The following ABCC12 variants were observed in gnomAD, a reference collection of about 807,000 sequenced individuals.
The protein encoded by ABCC12 is ATP binding cassette subfamily C member 12, also known as ATP-binding cassette sub-family C member 12.
Under a neutral mutation model 151.1 loss-of-function variants are expected in ABCC12, and 142 were observed. The observed-to-expected ratio is 0.94, with a 90% CI of 0.82 to 1.08. The LOEUF (loss-of-function observed/expected upper bound fraction) is 1.08, where lower values mean the gene tolerates loss of function less well. ABCC12 is among the 50% of genes least tolerant of loss of function. The pLI, the probability that ABCC12 is intolerant of heterozygous loss-of-function variation, is 0.00. For missense variants in ABCC12, 1,638 were observed against 1,691.1 expected (o/e 0.97, Z 0.55); for synonymous variants, 645 against 646.4 (o/e 1.00, Z 0.03).
At chr16:48,127,865 C>T (rs887197784) in intron 11 of ABCC12, among the ~76,000 whole-genome samples, 12 of 151,856 alleles carry the variant, frequency 7.9e-5, no homozygotes, top group African/African-American at 2.9e-4. Context: ...GGAGTTCGAG[C>T]CTGGCCTAGG....
Position 48,091,208 on chromosome 16 carries a change from A to G in ABCC12, c.3197T>C (p.Leu1066Pro). ...KGLSLSYIIQ[L>P]SGLLQVCVRT... ...CACACACACTTGGAGCAGTCCGCTC[A>G]GCTGTTGAAAAGGAGCGAGCAGCCG... Residue 1066 changes from leucine (L) to proline (P), a missense_variant and splice_region_variant, in exon 25 of 31, where the codon CTG (leucine) becomes CCG (proline). Leu to Pro is a moderately conservative substitution (Grantham distance 98). Coordinates refer to ENST00000311303, the MANE Select transcript of ABCC12 (RefSeq NM_001393797.1). 1 of 1,614,010 alleles carries G rather than the reference A, an allele frequency of 6.2e-7. No individual in the cohort carries two copies. The highest frequency in any genetic ancestry group is 8.5e-7 in the Non-Finnish European group (1 of 1,179,912).
intron 5 of ABCC12, 60 bp from the exon 6 acceptor site, chr16:48,140,980 G>A (rs1179824801): frequency 2.0e-6 from 3 of 1,509,060 alleles, no homozygotes; most frequent in Admixed American, 3.5e-5. Context: ...TGGCATAGGA[G>A]GCCTCAGATC....
chr16:48,121,851 A>G lies in ABCC12; in HGVS notation c.1588-11T>C. 6.2e-7 allele frequency: 1 copy of G among 1,614,002 alleles called. No individual in the cohort carries two copies. Among genetic ancestry groups the G allele is most frequent in the Non-Finnish European group, 8.5e-7 (1 of 1,179,960 alleles). On this transcript the variant is annotated splice_polypyrimidine_tract_variant and intron_variant, in intron 12 of 30. Coordinates refer to ENST00000311303, the MANE Select transcript of ABCC12 (RefSeq NM_001393797.1). ...TTTCTGCAGCTGCATCTGGAACAACAAGACGGGAGAAGCTTCAGGAGCCAA... is the reference window on the plus strand; with the variant it reads ...TTTCTGCAGCTGCATCTGGAACAACGAGACGGGAGAAGCTTCAGGAGCCAA...
intron 15 of ABCC12, among the ~76,000 whole-genome samples, chr16:48,112,365 G>A (rs550274419): frequency 1.6e-3 from 243 of 152,306 alleles, no homozygotes; most frequent in Non-Finnish European, 2.7e-3. Context: ...GGAGGCTGAA[G>A]CGGGTGGATC....
At position 48,138,543 on chromosome 16, in the gene ABCC12, A is replaced by G. The variant is rs577632525; in HGVS notation, c.832-168T>C. 6.6e-5 allele frequency among the ~76,000 whole-genome samples: 10 copies of G among 152,292 alleles called. No homozygotes were observed. In the South Asian group the frequency reaches 2.1e-3, roughly 32 times the overall value. On this transcript the variant is annotated intron_variant, in intron 7 of 30. Coordinates refer to ENST00000311303, the MANE Select transcript of ABCC12 (RefSeq NM_001393797.1). ...TTGTGGCTGTTGATGCTGTCTGAGG[A>G]ACACCATGGGGGGTCAGGCAGGTCA... is the stretch of plus-strand genomic sequence containing the variant.
intron 2 of ABCC12, among the ~76,000 whole-genome samples, chr16:48,148,227 C>T (rs79934848): frequency 0.033 from 4,780 of 145,820 alleles, 246 homozygotes; most frequent in African/African-American, 0.12. Flanking sequence ...GGATTACAGG[C>T]GTGAGTCACC....
rs769417894 is a variant in ABCC12, at chr16:48,117,246, C to A, written c.1785+15G>T. 1 of 1,611,820 alleles carries A rather than the reference C, an allele frequency of 6.2e-7. No homozygotes were observed. The highest frequency in any genetic ancestry group is 8.5e-7 in the Non-Finnish European group (1 of 1,179,028). ...TGTGCAGCTACAGTGGGCTTGCGCT[C>A]CCAGCCCCGCTCACCTCAGTCAGGT... On this transcript the variant is annotated intron_variant, in intron 14 of 30. Transcript: ENST00000311303.
At chr16:48,103,264 T>C (rs899397739) in intron 22 of ABCC12, among the ~76,000 whole-genome samples, 1 of 152,042 alleles carries the variant, frequency 6.6e-6, no homozygotes, top group African/African-American at 2.4e-5. Context: ...AAGTTCAGGG[T>C]TTGTGGGCTA....
rs1370771027 is a variant in ABCC12, at chr16:48,128,679, G to A, written c.1295C>T (p.Thr432Ile). 1 of 1,614,176 alleles carries A rather than the reference G, an allele frequency of 6.2e-7. No homozygotes were observed. The highest frequency in any genetic ancestry group is 8.5e-7 in the Non-Finnish European group (1 of 1,180,040). ...GGTGGCATTTGCTAAAAGCAAGACAGTATCTGGGTCTTCTGGTTGGGTGAT... is the reference window on the plus strand; with the variant it reads ...GGTGGCATTTGCTAAAAGCAAGACAATATCTGGGTCTTCTGGTTGGGTGAT... ...SYITQPEDPD[T>I]VLLLANATLT... The change falls in exon 11 of 31, where the codon ACT becomes ATT. Residue 432 changes from threonine to isoleucine, a missense_variant. Thr to Ile is a moderately conservative substitution (Grantham distance 89). Transcript: ENST00000311303.
chr16:48,145,990 C>T (rs1379921421), intron 3 of ABCC12, among the ~76,000 whole-genome samples: 1 of 152,224 alleles, frequency 6.6e-6, no homozygotes, highest in African/African-American at 2.4e-5. Flanking sequence ...GTTTCCTCAC[C>T]TATCAGATAA....
At chr16:48,113,440 G>A (rs1243848044) in intron 15 of ABCC12, among the ~76,000 whole-genome samples, 1 of 152,222 alleles carries the variant, frequency 6.6e-6, no homozygotes, top group Non-Finnish European at 1.5e-5. Context: ...TCACTCCAGA[G>A]ATATGAGGCA....
At chr16:48,154,332 C>T (rs1965155092) in intron 1 of ABCC12, among the ~76,000 whole-genome samples, 1 of 151,926 alleles carries the variant, frequency 6.6e-6, no homozygotes, top group Non-Finnish European at 1.5e-5. Flanking sequence ...CATTTTTTTC[C>T]AATTTGTGGA....
chr16:48,107,306 C>A lies in ABCC12; in HGVS notation c.2475+16G>T. 6.2e-7 allele frequency: 1 copy of A among 1,612,400 alleles called. No homozygotes were observed. Among genetic ancestry groups the A allele is most frequent in the Non-Finnish European group, 8.5e-7 (1 of 1,178,492 alleles). ...GACACAGACTCGGCATCTTCCAATG[C>A]CAAAGGGAAACTCACCCGTGAGCCC... On this transcript the variant is annotated intron_variant, in intron 20 of 30. Coordinates refer to ENST00000311303, the MANE Select transcript of ABCC12 (RefSeq NM_001393797.1).
chr16:48,083,794 T>A lies in ABCC12; in HGVS notation c.4001A>T (p.Glu1334Val). 6.2e-7 allele frequency: 1 copy of A among 1,614,178 alleles called. No individual in the cohort carries two copies. The highest frequency in any genetic ancestry group is 8.5e-7 in the Non-Finnish European group (1 of 1,180,038). ...VLVMENGKVI[E>V]FDKPEVLAEK... ...TGCAAGGACTTCAGGCTTGTCAAACTCAATCACCTGAAAGTCAGAGAAGAA... is the reference window on the plus strand; with the variant it reads ...TGCAAGGACTTCAGGCTTGTCAAACACAATCACCTGAAAGTCAGAGAAGAA... The change falls in exon 31 of 31, where the codon GAG (glutamate) becomes GTG (valine). Residue 1334 changes from glutamate (E) to valine (V), a missense_variant. Physicochemically the swap from Glu to Val is moderately radical, Grantham distance 121. Transcript: ENST00000311303.
chr16:48,101,007 A>G lies in ABCC12; in HGVS notation c.2903T>C (p.Ile968Thr), dbSNP rs1963288192. ...GAGCTCCTGGACTCCTCTGTGGAAA[A>G]TGCTGGAAGAAAATTGAAAGGGGCC... ...LAVGFFILLRIFHRGVQELKK... is the reference protein window; with the variant it reads ...LAVGFFILLRTFHRGVQELKK... Residue 968 changes from isoleucine (I) to threonine (T), a missense_variant and splice_region_variant, in exon 23 of 31, where the codon ATT (isoleucine) becomes ACT (threonine). Physicochemically the swap from Ile to Thr is moderately conservative, Grantham distance 89. Transcript: ENST00000311303. 1 of 1,613,820 alleles carries G rather than the reference A, an allele frequency of 6.2e-7. No homozygotes were observed. Among genetic ancestry groups the G allele is most frequent in the South Asian group, 1.1e-5 (1 of 91,038 alleles).
rs1444228282 is a variant in ABCC12, at chr16:48,083,657, ACTC to A, written c.*55_*57del. On this transcript the variant is annotated 3_prime_UTR_variant, in exon 31 of 31. Transcript: ENST00000311303. Reference sequence around the variant, plus strand: ...GAGAGGACAGCCCCTCCTCCTGAAGACTCCTCCTATTCATCTCACAGAGCCTCT... The same window carrying A: ...GAGAGGACAGCCCCTCCTCCTGAAGACTCCTATTCATCTCACAGAGCCTCT... 6.4e-7 allele frequency: 1 copy of A among 1,559,972 alleles called. No individual in the cohort carries two copies. The highest frequency in any genetic ancestry group is 8.8e-7 in the Non-Finnish European group (1 of 1,136,698).
chr16:48,087,488 C>T (rs1296107321), intron 27 of ABCC12: 2 of 156,734 alleles, frequency 1.3e-5, no homozygotes, highest in Non-Finnish European at 2.8e-5. Context: ...CTTCTGTTCA[C>T]TTAGGTGTGG....
intron 3 of ABCC12, 122 bp from the exon 4 acceptor site, chr16:48,144,187 T>C (rs1964923325): frequency 2.4e-6 from 3 of 1,237,624 alleles, no homozygotes; most frequent in Non-Finnish European, 3.3e-6. Flanking sequence ...TGACTTGCAT[T>C]CATTATGTTT....
At chr16:48,143,797 T>G (rs202079261) in intron 4 of ABCC12, 113 bp downstream of exon 4, 1 of 1,356,176 alleles carries the variant, frequency 7.4e-7, no homozygotes, top group Non-Finnish European at 9.9e-7. Context: ...CCCAGTCACA[T>G]GGAACTGTGA....
Sources: gnomAD v4.1 joint callset for allele counts (sites outside exome capture counted in the v4.1 genomes callset) on GRCh38, gnomAD v4.1.1 for gene constraint, MANE v1.5 for transcripts, NCBI Gene and HGNC (gene_info 2026-07-23, HGNC 2026-07-21) for gene names.